Variants in GEMIN2 observed in about 807,000 individuals in gnomAD.
GEMIN2 encodes gem nuclear organelle associated protein 2.
Under a neutral mutation model 45.8 loss-of-function variants are expected in GEMIN2, and 37 were observed. The ratio of observed to expected loss-of-function variants is 0.81; its 90% CI spans 0.62 to 1.06. The LOEUF is 1.06. Among genes scored for constraint, GEMIN2 ranks in the 50% least tolerant of loss-of-function variants. The pLI is 0.00. For synonymous variants in GEMIN2, 101 were observed against 111.5 expected (o/e 0.91, Z 0.60); for missense variants, 335 against 321.8 (o/e 1.04, Z -0.31).
rs373341724 is a variant in GEMIN2, at chr14:39,118,780, A to ATTTTT, written c.372+197_372+201dup. On this transcript the variant is annotated intron_variant, in intron 4 of 9. Transcript: ENST00000308317. The stretch of plus-strand genomic sequence containing the variant: ...TGGAAAGTATAGATTTTCATGACAA[A>ATTTTT]TTTTTTTTTTTTTTTTTTTTGAGAC... Among the ~76,000 whole-genome samples the ATTTTT allele has an allele frequency of 1.4e-5, 2 of 138,736 alleles. 1 individual carries two copies. The highest frequency in any genetic ancestry group is 3.1e-5 in the Non-Finnish European group (2 of 63,900). The allele number at this position is 138,736 out of a possible 152,430, so 91.0% of individuals were successfully genotyped here. A position where few individuals can be genotyped will look rare whatever the true frequency, so the allele number is the denominator to read the frequency against.
chr14:39,115,357 T>C (rs897045396), intron 2 of GEMIN2, among the ~76,000 whole-genome samples: 8 of 152,120 alleles, frequency 5.3e-5, no homozygotes, highest in Admixed American at 3.9e-4. Flanking sequence ...AGGAACTTTT[T>C]CCAGTTATTG....
chr14:39,114,868 A>G lies in GEMIN2; in HGVS notation c.177A>G (p.Gln59=), dbSNP rs145549333. Residue 59 remains glutamine (Q), a synonymous_variant, in exon 2 of 10, where the codon CAA becomes CAG. Transcript: ENST00000308317. ...AAQCPDVVVA[Q]IDPKKLKRKQ... ...AATGTCCAGATGTTGTGGTAGCTCA[A>G]ATTGACCCAAAGAAGTTGAAAAGGA... The G allele has an allele frequency of 1.0e-5, 16 of 1,583,446 alleles. No individual in the cohort carries two copies. The highest frequency in any genetic ancestry group is 2.2e-5 in the East Asian group (1 of 44,736).
At chr14:39,131,728 G>C in intron 7 of GEMIN2, 1 of 396,750 alleles carries the variant, frequency 2.5e-6, no homozygotes, top group Non-Finnish European at 4.4e-6. Context: ...ACTCTTTGGA[G>C]ATCAGGGAAT....
intron 7 of GEMIN2, among the ~76,000 whole-genome samples, chr14:39,131,471 A>G (rs757019885): frequency 5.9e-5 from 9 of 152,158 alleles, no homozygotes; most frequent in Non-Finnish European, 1.2e-4. Context: ...CCATTTTAAA[A>G]GGGAGTGGGG....
chr14:39,130,999 T>C (rs1383273341), intron 7 of GEMIN2, among the ~76,000 whole-genome samples: 2 of 151,532 alleles, frequency 1.3e-5, no homozygotes, highest in Non-Finnish European at 2.9e-5. Flanking sequence ...TGAAATTGTA[T>C]TGAAAAAAGG....
chr14:39,122,949 C>T (rs2052592139), intron 5 of GEMIN2, among the ~76,000 whole-genome samples: 1 of 151,980 alleles, frequency 6.6e-6, no homozygotes, highest in Non-Finnish European at 1.5e-5. Context: ...AATGATGAGG[C>T]ATCAGGCAAA....
intron 1 of GEMIN2, 41 bp from the exon 2 acceptor site, chr14:39,114,788 C>G: frequency 8.9e-7 from 1 of 1,117,574 alleles, no homozygotes; most frequent in Non-Finnish European, 1.4e-6. Flanking sequence ...GAGCAAAGCA[C>G]AACAGAAATT....
In GEMIN2 at chr14:39,127,341, T is replaced by G. The variant is rs1252469329; in HGVS notation, c.532-939T>G. ...CTGACCTCAGGTGTGCCATTGTTTTTTTTTTTTTTTTTTTTTTTTGAGACA... is the reference window on the plus strand; with the variant it reads ...CTGACCTCAGGTGTGCCATTGTTTTGTTTTTTTTTTTTTTTTTTTGAGACA... On this transcript the variant is annotated intron_variant, in intron 6 of 9. Coordinates refer to ENST00000308317, the MANE Select transcript of GEMIN2 (RefSeq NM_003616.3). Among the ~76,000 whole-genome samples the G allele has an allele frequency of 5.2e-5, 7 of 134,074 alleles. No homozygotes were observed. The Admixed American group carries it at 5.2e-4, about 10-fold the overall frequency. 88.0% of individuals were successfully genotyped at this position (134,074 alleles called of 152,430 possible).
At position 39,130,586 on chromosome 14, in the gene GEMIN2, G is replaced by A. The variant is rs187744335; in HGVS notation, c.601-1372G>A. ...TAAACAAGACACTTAACATTCCCTTGTTAATCCCATTTAACTACAAGGGAT... is the reference window on the plus strand; with the variant it reads ...TAAACAAGACACTTAACATTCCCTTATTAATCCCATTTAACTACAAGGGAT... On this transcript the variant is annotated intron_variant, in intron 7 of 9. Transcript: ENST00000308317. Among the ~76,000 whole-genome samples the A allele has an allele frequency of 7.4e-4, 113 of 152,230 alleles. 1 individual carries two copies. Among genetic ancestry groups the A allele is most frequent in the African/African-American group, 2.6e-3 (106 of 41,552 alleles).
chr14:39,126,019 CAAA>C (rs71130818), intron 6 of GEMIN2, among the ~76,000 whole-genome samples: 2 of 99,858 alleles, frequency 2.0e-5, no homozygotes. Context: ...GACTCTGTCT[CAAA>C]AAAAAAAAAA....
chr14:39,131,618 GA>G (rs1324507904), intron 7 of GEMIN2, among the ~76,000 whole-genome samples: 2 of 151,974 alleles, frequency 1.3e-5, no homozygotes, highest in African/African-American at 2.4e-5. Context: ...ACAGAACAAA[GA>G]AAAAAATGTA....
chr14:39,129,365 G>A (rs1029519286), intron 7 of GEMIN2, among the ~76,000 whole-genome samples: 1 of 152,058 alleles, frequency 6.6e-6, no homozygotes, highest in Non-Finnish European at 1.5e-5. Context: ...CCTTCATTAA[G>A]TGATGCATGA....
rs781704765 is a variant in GEMIN2, at chr14:39,118,612, C to A, written c.372+13C>A. 1 of 1,273,668 alleles carries A rather than the reference C, an allele frequency of 7.9e-7. No homozygotes were observed. Among genetic ancestry groups the A allele is most frequent in the Non-Finnish European group, 1.1e-6 (1 of 869,976 alleles). The allele number at this position is 1,273,668 out of a possible 1,614,324, so 78.9% of individuals were successfully genotyped here. A position where few individuals can be genotyped will look rare whatever the true frequency, so the allele number is the denominator to read the frequency against. ...TAATGTGACAATGGTATGTAAGTTT[C>A]TCAGTTTTAAGATGTACAATGTATA... is the stretch of plus-strand genomic sequence containing the variant. On this transcript the variant is annotated intron_variant, in intron 4 of 9. Transcript: ENST00000308317.
chr14:39,115,217 G>GTT (rs34449215), intron 2 of GEMIN2, among the ~76,000 whole-genome samples: 30,130 of 151,984 alleles, frequency 0.2, 3,784 homozygotes, highest in Middle Eastern at 0.35. Flanking sequence ...TTGTTTGTTT[G>GTT]TTTATAGAGA....
chr14:39,120,432 ATTTG>A (rs2052560144), intron 4 of GEMIN2, among the ~76,000 whole-genome samples: 1 of 152,124 alleles, frequency 6.6e-6, no homozygotes, highest in Non-Finnish European at 1.5e-5. Flanking sequence ...AAACATAAAC[ATTTG>A]TTTATTAATT....
intron 7 of GEMIN2, among the ~76,000 whole-genome samples, chr14:39,129,212 T>C (rs1034304218): frequency 4.6e-5 from 7 of 152,174 alleles, no homozygotes; most frequent in South Asian, 4.1e-4. Context: ...ATGTGCTATA[T>C]AGGTTTGTAG....
chr14:39,133,026 G>GTGTA lies in GEMIN2; in HGVS notation c.712-634_712-633insGTAT, dbSNP rs1555334582. Among the ~76,000 whole-genome samples the GTGTA allele has an allele frequency of 5.9e-4, 78 of 132,350 alleles. No homozygotes were observed. In the East Asian group the frequency reaches 6.2e-3, roughly 11 times the overall value. 86.8% of individuals were successfully genotyped at this position (132,350 alleles called of 152,430 possible). On this transcript the variant is annotated intron_variant, in intron 8 of 9. Coordinates refer to ENST00000308317, the MANE Select transcript of GEMIN2 (RefSeq NM_003616.3). ...TATATATATGTGTGTGTGTGTGTGT[G>GTGTA]TATATATATATATCTTTATATATAT...
rs775828384 is a variant in GEMIN2, at chr14:39,114,866, C to G, written c.175C>G (p.Gln59Glu). ...TCAATGTCCAGATGTTGTGGTAGCT[C>G]AAATTGACCCAAAGAAGTTGAAAAG... ...AAQCPDVVVA[Q>E]IDPKKLKRKQ... The change falls in exon 2 of 10, where the codon CAA (glutamine) becomes GAA (glutamate). Residue 59 changes from glutamine to glutamate, a missense_variant. Physicochemically the swap from Gln to Glu is conservative, Grantham distance 29 (BLOSUM62 2). Coordinates refer to ENST00000308317, the MANE Select transcript of GEMIN2 (RefSeq NM_003616.3). 6.3e-7 allele frequency: 1 copy of G among 1,581,284 alleles called. No homozygotes were observed. The highest frequency in any genetic ancestry group is 1.1e-5 in the South Asian group (1 of 90,454).
At chr14:39,129,934 G>GTTTTTT (rs34165330) in intron 7 of GEMIN2, among the ~76,000 whole-genome samples, 778 of 61,438 alleles carry the variant, frequency 0.013, 18 homozygotes, top group East Asian at 0.028. Context: ...AGACAAGTTT[G>GTTTTTT]TTTTTTTTTT....
Sources: allele counts gnomAD v4.1 joint callset (sites outside exome capture counted in the v4.1 genomes callset), GRCh38; gene constraint gnomAD v4.1.1; transcripts MANE v1.5; gene names NCBI Gene and HGNC (gene_info 2026-07-23, HGNC 2026-07-21).